DNAJC6: variants seen among roughly 807,000 people sequenced by gnomAD.
The protein encoded by DNAJC6 is DnaJ heat shock protein family (Hsp40) member C6, also known as auxilin.
A neutral mutation model predicts 110.0 loss-of-function variants in DNAJC6; 34 were observed. The ratio of observed to expected loss-of-function variants is 0.31; its 90% CI spans 0.24 to 0.41. The LOEUF is 0.41. Among genes scored for constraint, DNAJC6 ranks in the 10% least tolerant of loss-of-function variants. DNAJC6 has a pLI of 1.00. For missense variants in DNAJC6, 1,031 were observed against 1,207.8 expected, an observed-to-expected ratio of 0.85 and a Z score of 2.17; for synonymous variants, 406 against 437.2, an observed-to-expected ratio of 0.93 and a Z score of 0.89.
In DNAJC6 at chr1:65,385,135, A is replaced by T. The variant is rs146872357; in HGVS notation, c.801-577A>T. Among the ~76,000 whole-genome samples, 288 of 152,356 alleles carry T rather than the reference A, an allele frequency of 1.9e-3. 7 individuals carry two copies. The highest frequency in any genetic ancestry group is 0.017 in the South Asian group (83 of 4,832). ...ATCACTGGTGATCCTCCTGTGGGAAACCTGATTTAACAAAGGGAAATGCAA... is the reference window on the plus strand; with the variant it reads ...ATCACTGGTGATCCTCCTGTGGGAATCCTGATTTAACAAAGGGAAATGCAA... On this transcript the variant is annotated intron_variant, in intron 6 of 18. Transcript: ENST00000371069.
intron 1 of DNAJC6, among the ~76,000 whole-genome samples, chr1:65,315,575 T>C (rs1557517493): frequency 6.6e-6 from 1 of 152,200 alleles, no homozygotes; most frequent in African/African-American, 2.4e-5. Flanking sequence ...AGTTTAACCA[T>C]GTTCATATAT....
intron 18 of DNAJC6, among the ~76,000 whole-genome samples, chr1:65,412,358 A>G (rs1420908135): frequency 6.6e-6 from 1 of 152,220 alleles, no homozygotes; most frequent in Non-Finnish European, 1.5e-5. Flanking sequence ...GTCATATGAC[A>G]TGAAGCTATG....
At chr1:65,312,547 T>A (rs1645110846) in intron 1 of DNAJC6, among the ~76,000 whole-genome samples, 1 of 152,214 alleles carries the variant, frequency 6.6e-6, no homozygotes, top group African/African-American at 2.4e-5. Flanking sequence ...ATAGGATCAG[T>A]GGTTTATGGG....
rs556082783 is a variant in DNAJC6 at position 65,400,236 on chromosome 1, A to C, written c.2107+1355A>C. Among the ~76,000 whole-genome samples, 3 of 152,340 alleles carry C rather than the reference A, an allele frequency of 2.0e-5. No individual in the cohort carries two copies. In the East Asian group the frequency reaches 5.8e-4, roughly 29 times the overall value. On this transcript the variant is annotated intron_variant, in intron 14 of 18. Coordinates refer to ENST00000371069, the MANE Select transcript of DNAJC6 (RefSeq NM_001256864.2). The stretch of plus-strand genomic sequence containing the variant: ...AAAATTGTATGTATTTGTCGTGTAC[A>C]ATATGATGTTTTGAAGTACACATAC...
At chr1:65,286,168 A>G (rs1654014364) in intron 1 of DNAJC6, among the ~76,000 whole-genome samples, 1 of 152,214 alleles carries the variant, frequency 6.6e-6, no homozygotes, top group Admixed American at 6.5e-5. Context: ...CATACAACCA[A>G]AACCTAACTT....
intron 1 of DNAJC6, among the ~76,000 whole-genome samples, chr1:65,275,855 T>G (rs2101169393): frequency 6.6e-6 from 1 of 152,038 alleles, no homozygotes; most frequent in African/African-American, 2.4e-5. Context: ...ATTAATTTCT[T>G]AATTTTGTTT....
rs1645936775 is a variant in DNAJC6, at chr1:65,392,418, T to TG, written c.1469-11dup. On this transcript the variant is annotated splice_polypyrimidine_tract_variant and intron_variant, in intron 11 of 18. Transcript: ENST00000371069. The stretch of plus-strand genomic sequence containing the variant: ...CAGCAACTAATCTCTTATGGTATAC[T>TG]GGCCTTCCTCAGATCAGAAATCGGA... The TG allele has an allele frequency of 6.3e-7, 1 of 1,575,922 alleles. No homozygotes were observed. The highest frequency in any genetic ancestry group is 1.2e-5 in the South Asian group (1 of 84,190).
At chr1:65,326,522 A>G (rs1412604252) in intron 1 of DNAJC6, among the ~76,000 whole-genome samples, 1 of 152,216 alleles carries the variant, frequency 6.6e-6, no homozygotes, top group Non-Finnish European at 1.5e-5. Context: ...TAGTCAGTCT[A>G]TTTAAAACAT....
intron 1 of DNAJC6, among the ~76,000 whole-genome samples, chr1:65,334,797 A>G (rs902744986): frequency 6.6e-6 from 1 of 152,166 alleles, no homozygotes; most frequent in Non-Finnish European, 1.5e-5. Context: ...ATTTCTTTGT[A>G]TCTACCCATT....
At chr1:65,317,524 CTTTAAA>C (rs1484653592) in intron 1 of DNAJC6, among the ~76,000 whole-genome samples, 1 of 152,166 alleles carries the variant, frequency 6.6e-6, no homozygotes, top group Non-Finnish European at 1.5e-5. Flanking sequence ...GAGATAGAAA[CTTTAAA>C]TTAAAATTAA....
chr1:65,304,169 AG>A (rs1186387592), intron 1 of DNAJC6, among the ~76,000 whole-genome samples: 4 of 152,054 alleles, frequency 2.6e-5, no homozygotes, highest in East Asian at 3.9e-4. Context: ...AAGGAAACAC[AG>A]GTTTCATGAT....
intron 1 of DNAJC6, among the ~76,000 whole-genome samples, chr1:65,294,750 T>G (rs1199204041): frequency 6.6e-6 from 1 of 152,244 alleles, no homozygotes; most frequent in East Asian, 1.9e-4. Flanking sequence ...TAAATTCACT[T>G]GTAAAAATTT....
At position 65,334,902 on chromosome 1, in the gene DNAJC6, C is replaced by T. The variant is rs560984001; in HGVS notation, c.193+24964C>T. ...GTTATATTATAGGTGTGAAACTTCT[C>T]ATCACCTACAAGATAAAATTCAAGT... On this transcript the variant is annotated intron_variant, in intron 1 of 18. Transcript: ENST00000371069. Among the ~76,000 whole-genome samples the T allele has an allele frequency of 2.0e-5, 3 of 152,278 alleles. No individual in the cohort carries two copies. The South Asian group carries it at 6.2e-4, about 32-fold the overall frequency.
Position 65,413,058 on chromosome 1 carries a change from G to C in DNAJC6, c.*33G>C. Reference sequence around the variant, plus strand: ...GCTTTTCCATCTCTGCTGCAGACCTGTGCTAATGCTTAGTGTGTGTCACAA... The same window carrying C: ...GCTTTTCCATCTCTGCTGCAGACCTCTGCTAATGCTTAGTGTGTGTCACAA... On this transcript the variant is annotated 3_prime_UTR_variant, in exon 19 of 19. Transcript: ENST00000371069. 6.3e-6 allele frequency: 10 copies of C among 1,584,450 alleles called. No individual in the cohort carries two copies. The highest frequency in any genetic ancestry group is 8.6e-6 in the Non-Finnish European group (10 of 1,156,598).
intron 1 of DNAJC6, among the ~76,000 whole-genome samples, chr1:65,302,827 G>A (rs763208258): frequency 3.3e-5 from 5 of 152,156 alleles, no homozygotes; most frequent in Admixed American, 2.6e-4. Context: ...GAGCCACCGC[G>A]CCCGGCCTGT....
chr1:65,282,517 G>C (rs557877332), intron 1 of DNAJC6, among the ~76,000 whole-genome samples: 4 of 152,164 alleles, frequency 2.6e-5, no homozygotes, highest in Non-Finnish European at 4.4e-5. Context: ...ACTTTCATTG[G>C]ATAAAGGTAG....
At chr1:65,406,484 T>C (rs1000123235) in intron 16 of DNAJC6, among the ~76,000 whole-genome samples, 1 of 152,166 alleles carries the variant, frequency 6.6e-6, no homozygotes, top group African/African-American at 2.4e-5. Flanking sequence ...TAAATGAATG[T>C]TGAAGGGATA....
chr1:65,391,678 T>C (rs1396655215), intron 11 of DNAJC6, among the ~76,000 whole-genome samples: 1 of 139,464 alleles, frequency 7.2e-6, no homozygotes, highest in Non-Finnish European at 1.5e-5. Flanking sequence ...GCACCTAGCA[T>C]AGTGCCTGAA....
Position 65,401,820 on chromosome 1 carries a change from A to T in DNAJC6, c.2167A>T (p.Thr723Ser), listed in dbSNP as rs935302235. ...ATSPTGSSHGTPTHQSKPQTL... is the reference protein window; with the variant it reads ...ATSPTGSSHGSPTHQSKPQTL... Reference sequence around the variant, plus strand: ...CAGCCCAACCGGATCCTCGCATGGTACTCCCACCCATCAAAGCAAACCCCA... The same window carrying T: ...CAGCCCAACCGGATCCTCGCATGGTTCTCCCACCCATCAAAGCAAACCCCA... The change falls in exon 15 of 19, where the codon ACT becomes TCT. Residue 723 changes from threonine to serine, a missense_variant. Transcript: ENST00000371069. 1 of 1,613,862 alleles carries T rather than the reference A, an allele frequency of 6.2e-7. No individual in the cohort carries two copies.
Sources: allele counts gnomAD v4.1 joint callset (sites outside exome capture counted in the v4.1 genomes callset), GRCh38; gene constraint gnomAD v4.1.1; transcripts MANE v1.5; gene names NCBI Gene and HGNC (gene_info 2026-07-23, HGNC 2026-07-21).